DENND2B: variants seen among roughly 807,000 people sequenced by gnomAD.
DENND2B encodes the protein DENN domain-containing protein 2B.
Under a neutral mutation model 116.0 loss-of-function variants are expected in DENND2B, and 32 were observed. That is an observed-to-expected ratio of 0.28 (90% CI 0.21 to 0.37). DENND2B has a LOEUF of 0.37. Ranked by LOEUF, DENND2B falls within the 10% of genes least tolerant of loss-of-function variation. The pLI, the probability that DENND2B is intolerant of heterozygous loss-of-function variation, is 1.00. For missense variants in DENND2B, 1,276 were observed against 1,477.7 expected (o/e 0.86, Z 2.24); for synonymous variants, 588 against 583.9 (o/e 1.01, Z -0.10).
chr11:8,777,229 G>A (rs938958786), intron 1 of DENND2B, among the ~76,000 whole-genome samples: 4 of 152,070 alleles, frequency 2.6e-5, no homozygotes, highest in Admixed American at 2.6e-4. Context: ...CTTCCAGTGT[G>A]CCACCCCCAC....
intron 1 of DENND2B, among the ~76,000 whole-genome samples, chr11:8,755,037 C>T (rs1422553007): frequency 6.6e-6 from 1 of 152,178 alleles, no homozygotes; most frequent in East Asian, 1.9e-4. Context: ...TCAATATAGA[C>T]GTTAAAACTT....
intron 4 of DENND2B, among the ~76,000 whole-genome samples, chr11:8,838,132 T>C (rs1212442113): frequency 1.3e-5 from 2 of 152,254 alleles, no homozygotes; most frequent in African/African-American, 4.8e-5. Flanking sequence ...TACTTTTATC[T>C]GTTTGGAGTC....
chr11:8,867,476 G>C (rs2063623069), intron 2 of DENND2B, among the ~76,000 whole-genome samples: 1 of 150,694 alleles, frequency 6.6e-6, no homozygotes, highest in African/African-American at 2.4e-5. Context: ...ATAACACAAA[G>C]TGAAATAAAT....
At position 8,750,643 on chromosome 11, in the gene DENND2B, C is replaced by T. The variant is rs1189289899; in HGVS notation, c.58G>A (p.Ala20Thr). The part of the protein sequence containing the change: ...SITHGAGGTK[A>T]PRGTLSRSQS... The stretch of plus-strand genomic sequence containing the variant: ...CACCTGCTCAGAGTCCCCCGAGGGG[C>T]TTTAGTGCCACCAGCTCCGTGGGTG... Residue 20 changes from alanine to threonine, a missense_variant, in exon 2 of 20, where the codon GCC becomes ACC. Transcript: ENST00000313726. 4 of 1,614,150 alleles carry T rather than the reference C, an allele frequency of 2.5e-6. No individual in the cohort carries two copies. The highest frequency in any genetic ancestry group is 3.3e-5 in the Admixed American group (2 of 60,024).
chr11:8,765,327 ACTGTGTG>A (rs1471716212), intron 1 of DENND2B, among the ~76,000 whole-genome samples: 1 of 152,176 alleles, frequency 6.6e-6, no homozygotes, highest in African/African-American at 2.4e-5. Context: ...TGCTTCTCAG[ACTGTGTG>A]CTGAGGTGCC....
chr11:8,738,400 C>T (rs143856955), intron 2 of DENND2B, among the ~76,000 whole-genome samples: 300 of 152,302 alleles, frequency 2.0e-3, no homozygotes, highest in African/African-American at 6.9e-3. Context: ...AACACTGGAA[C>T]GTCCCAGCGC....
At chr11:8,699,173 C>A in intron 15 of DENND2B, 40 bp downstream of exon 15, 6 of 1,532,888 alleles carry the variant, frequency 3.9e-6, no homozygotes, top group Non-Finnish European at 4.4e-6. Flanking sequence ...CCTGCTTCCC[C>A]CTCCACCCTT....
chr11:8,717,747 G>A lies in DENND2B; in HGVS notation c.1623C>T (p.Pro541=), dbSNP rs1004567805. The change falls in exon 5 of 20, where the codon CCC becomes CCT. Residue 541 remains proline, a synonymous_variant. Coordinates refer to ENST00000313726, the MANE Select transcript of DENND2B (RefSeq NM_213618.2). ...SPQDRKYNSP[P]TQLSLKPNSQ... is the part of the protein sequence containing the mutation. The stretch of plus-strand genomic sequence containing the variant: ...GATGTCAGGGCTGAGTTACCTGTGT[G>A]GGCGGGCTGTTGTACTTCCTGTCCT... 1.9e-6 allele frequency: 3 copies of A among 1,564,892 alleles called. No individual in the cohort carries two copies. Among genetic ancestry groups the A allele is most frequent in the African/African-American group, 1.4e-5 (1 of 73,190 alleles).
At chr11:8,767,398 A>G (rs549978361) in intron 1 of DENND2B, among the ~76,000 whole-genome samples, 7 of 149,180 alleles carry the variant, frequency 4.7e-5, no homozygotes, top group Admixed American at 1.4e-4. Context: ...AGACCTCAGA[A>G]AATGAGAGAC....
upstream of DENND2B, chr11:8,810,957 A>C: frequency 4.4e-6 from 1 of 226,908 alleles, no homozygotes; most frequent in African/African-American, 2.3e-5. Context: ...GCTCCTGGGA[A>C]CTTGCTTGAA....
chr11:8,710,788 CACA>C (rs752959382), intron 11 of DENND2B, 54 bp downstream of exon 11: 2 of 1,484,980 alleles, frequency 1.3e-6, no homozygotes, highest in Non-Finnish European at 1.9e-6. Context: ...CACACACACA[CACA>C]CACCCTGGCC....
upstream of DENND2B, chr11:8,810,806 G>GTCTCTCTCACTGTCTCTCTC (rs2061330195): frequency 7.1e-6 from 1 of 140,236 alleles, no homozygotes; most frequent in African/African-American, 2.8e-5. Context: ...CTTTCTCACT[G>GTCTCTCTCACTGTCTCTCTC]TCTCTCTCTC....
intron 1 of DENND2B, among the ~76,000 whole-genome samples, chr11:8,754,571 G>C (rs1203388557): frequency 6.6e-6 from 1 of 152,150 alleles, no homozygotes; most frequent in Admixed American, 6.5e-5. Flanking sequence ...CCACTCCTAG[G>C]TATCTGTTCA....
intron 2 of DENND2B, among the ~76,000 whole-genome samples, chr11:8,876,898 GAAAGA>G (rs1350733732): frequency 7.4e-4 from 111 of 150,098 alleles, no homozygotes; most frequent in African/African-American, 2.6e-3. Context: ...AAAAAAGAAA[GAAAGA>G]AAAGAAAAGA....
At chr11:8,865,437 C>A (rs1406238324) in intron 2 of DENND2B, among the ~76,000 whole-genome samples, 3 of 152,038 alleles carry the variant, frequency 2.0e-5, no homozygotes, top group African/African-American at 4.8e-5. Context: ...AAACAAAACA[C>A]AAAGCAACAA....
rs117656532 is a variant in DENND2B, at chr11:8,790,342, T to G, written c.-26+20175A>C. Among the ~76,000 whole-genome samples the G allele has an allele frequency of 4.0e-3, 608 of 152,340 alleles. 5 individuals are homozygous for G. The highest frequency in any genetic ancestry group is 8.4e-3 in the Admixed American group (128 of 15,298). On this transcript the variant is annotated intron_variant, in intron 1 of 19. Coordinates refer to ENST00000313726, the MANE Select transcript of DENND2B (RefSeq NM_213618.2). ...ATGCAGTATACTGGCTTTTCATATG[T>G]CTTGTCCATTAAACTATTAAGTTCC... is the stretch of plus-strand genomic sequence containing the variant.
At chr11:8,750,565 C>T in intron 2 of DENND2B, 56 bp downstream of exon 2, 1 of 1,467,468 alleles carries the variant, frequency 6.8e-7, no homozygotes, top group Non-Finnish European at 9.5e-7. Context: ...TTGGAGGGAT[C>T]CCACCCAGGA....
intron 4 of DENND2B, among the ~76,000 whole-genome samples, chr11:8,835,199 G>A (rs1458945990): frequency 2.6e-5 from 4 of 152,142 alleles, no homozygotes; most frequent in East Asian, 1.9e-4. Context: ...AGCTGAGATC[G>A]CGCCACCACA....
At position 8,694,403 on chromosome 11, in the gene DENND2B, G is replaced by A. The variant is rs182641643; in HGVS notation, c.3380-273C>T. On this transcript the variant is annotated intron_variant, in intron 19 of 19. Coordinates refer to ENST00000313726, the MANE Select transcript of DENND2B (RefSeq NM_213618.2). The stretch of plus-strand genomic sequence containing the variant: ...CATGCTATGATTCTCTGATCTGGCG[G>A]GCTGAGCACCCTGCAGGGAGGGGTG... 7.2e-4 allele frequency: 357 copies of A among 493,770 alleles called. No individual in the cohort carries two copies. In the East Asian group the frequency reaches 0.011, roughly 15 times the overall value. 30.6% of individuals were successfully genotyped at this position (493,770 alleles called of 1,614,324 possible). A position where few individuals can be genotyped will look rare whatever the true frequency, so the allele number is the denominator to read the frequency against.
Sources: gnomAD v4.1 joint callset for allele counts (sites outside exome capture counted in the v4.1 genomes callset) on GRCh38, gnomAD v4.1.1 for gene constraint, MANE v1.5 for transcripts, NCBI Gene and HGNC (gene_info 2026-07-23, HGNC 2026-07-21) for gene names.